Variants in CERS6 observed in about 807,000 individuals in gnomAD.
CERS6 encodes ceramide synthase 6, also known as LAG1 homolog, ceramide synthase 6.
Under a neutral mutation model 56.8 loss-of-function variants are expected in CERS6, and 26 were observed. That is an observed-to-expected ratio of 0.46 (90% confidence interval 0.34 to 0.63). The LOEUF (loss-of-function observed/expected upper bound fraction) is 0.63. Among genes scored for constraint, CERS6 ranks in the 30% least tolerant of loss-of-function variants. The pLI is 0.01. For missense variants in CERS6, 415 were observed against 467.5 expected, an observed-to-expected ratio of 0.89 and a Z score of 1.04; for synonymous variants, 164 against 173.3, an observed-to-expected ratio of 0.95 and a Z score of 0.42.
intron 4 of CERS6, among the ~76,000 whole-genome samples, chr2:168,631,555 ATATT>A (rs1684724702): frequency 8.4e-6 from 1 of 118,802 alleles, no homozygotes; most frequent in African/African-American, 3.3e-5. Context: ...TATATTTTTA[ATATT>A]TATATATTAA....
intron 3 of CERS6, among the ~76,000 whole-genome samples, chr2:168,628,980 A>G (rs1415481320): frequency 6.6e-6 from 1 of 152,260 alleles, no homozygotes; most frequent in South Asian, 2.1e-4. Context: ...ATTTAAAACA[A>G]TAACATATGA....
chr2:168,631,540 T>TATAATAC (rs1684721135), intron 4 of CERS6, among the ~76,000 whole-genome samples: 2 of 118,858 alleles, frequency 1.7e-5, no homozygotes, highest in South Asian at 4.5e-4. Context: ...ACATATTAAA[T>TATAATAC]ATATTATATT....
At chr2:168,596,714 C>T (rs557247440) in intron 3 of CERS6, among the ~76,000 whole-genome samples, 11 of 152,104 alleles carry the variant, frequency 7.2e-5, no homozygotes, top group East Asian at 1.9e-4. Flanking sequence ...CCACCATACC[C>T]GGCAAATTTG....
At chr2:168,717,441 C>T (rs1025241819) in intron 7 of CERS6, among the ~76,000 whole-genome samples, 8 of 152,074 alleles carry the variant, frequency 5.3e-5, no homozygotes, top group African/African-American at 1.9e-4. Flanking sequence ...GTTTGTGGCC[C>T]CGGTATTTGA....
chr2:168,520,644 CTG>C (rs1694962481), intron 1 of CERS6, among the ~76,000 whole-genome samples: 1 of 84,400 alleles, frequency 1.2e-5, no homozygotes, highest in Admixed American at 2.0e-4. Flanking sequence ...CAGTTTCACT[CTG>C]TTGCCTAGGC....
intron 3 of CERS6, among the ~76,000 whole-genome samples, chr2:168,628,261 T>C (rs1684635355): frequency 6.6e-6 from 1 of 152,192 alleles, no homozygotes; most frequent in African/African-American, 2.4e-5. Context: ...AATTTAGAGA[T>C]ATTCATCTAG....
Position 168,462,676 on chromosome 2 carries a change from A to G in CERS6, c.170+6058A>G, listed in dbSNP as rs543261637. Among the ~76,000 whole-genome samples the G allele has an allele frequency of 6.6e-5, 10 of 152,276 alleles. No homozygotes were observed. In the South Asian group the frequency reaches 2.1e-3, roughly 32 times the overall value. On this transcript the variant is annotated intron_variant, in intron 1 of 9. Transcript: ENST00000305747. ...CCTCATCCTCCCAGTAGCTAGGACT[A>G]CAGGTGGGTGCCACCATGCCTGGCT...
Position 168,717,979 on chromosome 2 carries a change from G to A in CERS6, c.845+1G>A. On this transcript the variant is annotated splice_donor_variant, in intron 8 of 9. Coordinates refer to ENST00000305747, the MANE Select transcript of CERS6 (RefSeq NM_203463.3). LOFTEE classifies it high-confidence loss of function. ...CACGACTGGGTATATTTCCTCTCTG[G>A]TGAGTATGCCAGTCTCCTTCCTGAT... is the stretch of plus-strand genomic sequence containing the variant. 1 of 1,601,716 alleles carries A rather than the reference G, an allele frequency of 6.2e-7. No homozygotes were observed. The highest frequency in any genetic ancestry group is 8.5e-7 in the Non-Finnish European group (1 of 1,169,748).
chr2:168,490,163 A>T (rs772409265), intron 1 of CERS6, among the ~76,000 whole-genome samples: 2 of 152,100 alleles, frequency 1.3e-5, no homozygotes, highest in Admixed American at 6.6e-5. Flanking sequence ...AGCTGTTGCT[A>T]TACTGTTCTA....
At position 168,525,574 on chromosome 2, in the gene CERS6, C is replaced by T. The variant is rs925570905; in HGVS notation, c.171-22022C>T. On this transcript the variant is annotated intron_variant, in intron 1 of 9. Coordinates refer to ENST00000305747, the MANE Select transcript of CERS6 (RefSeq NM_203463.3). The stretch of plus-strand genomic sequence containing the variant: ...GTAAATAATCCCTTGTCAGTGATGA[C>T]GAGGCTTGAGGAAATTTAAACATTC... Among the ~76,000 whole-genome samples the T allele has an allele frequency of 5.3e-5, 8 of 152,116 alleles. No homozygotes were observed. In the South Asian group the frequency reaches 8.3e-4, roughly 16 times the overall value.
intron 4 of CERS6, among the ~76,000 whole-genome samples, chr2:168,684,640 A>G (rs1686301095): frequency 6.6e-6 from 1 of 152,238 alleles, no homozygotes; most frequent in Admixed American, 6.5e-5. Flanking sequence ...AAGAGAAATA[A>G]GCAAAGATGT....
At chr2:168,706,464 A>G (rs1483883777) in intron 6 of CERS6, among the ~76,000 whole-genome samples, 1 of 152,174 alleles carries the variant, frequency 6.6e-6, no homozygotes, top group Non-Finnish European at 1.5e-5. Flanking sequence ...TCATTTCTAT[A>G]TGTTTCTAGA....
chr2:168,741,650 G>A (rs1299858352), intron 8 of CERS6, among the ~76,000 whole-genome samples: 1 of 152,200 alleles, frequency 6.6e-6, no homozygotes, highest in East Asian at 1.9e-4. Context: ...CGTTGACTGT[G>A]TGATGAAGCA....
At chr2:168,594,611 T>C (rs924268910) in intron 3 of CERS6, among the ~76,000 whole-genome samples, 3 of 152,074 alleles carry the variant, frequency 2.0e-5, no homozygotes, top group African/African-American at 7.2e-5. Flanking sequence ...TTAAAAAATA[T>C]TTACTACATG....
At chr2:168,710,096 G>C (rs1430536169) in intron 6 of CERS6, among the ~76,000 whole-genome samples, 1 of 152,126 alleles carries the variant, frequency 6.6e-6, no homozygotes, top group Non-Finnish European at 1.5e-5. Flanking sequence ...ATGTTTTGTA[G>C]GACCAGGTGA....
chr2:168,631,402 A>AT (rs1213207520), intron 4 of CERS6, among the ~76,000 whole-genome samples: 5 of 134,790 alleles, frequency 3.7e-5, no homozygotes, highest in South Asian at 4.3e-4. Context: ...TATATAATAT[A>AT]TATTATATAA....
At chr2:168,505,395 AAAAAAAG>A (rs1694658551) in intron 1 of CERS6, among the ~76,000 whole-genome samples, 1 of 150,504 alleles carries the variant, frequency 6.6e-6, no homozygotes, top group Non-Finnish European at 1.5e-5. Context: ...AAAAAAAAAA[AAAAAAAG>A]AAAAAAAAAG....
At chr2:168,575,465 C>G (rs957637485) in intron 3 of CERS6, among the ~76,000 whole-genome samples, 9 of 151,896 alleles carry the variant, frequency 5.9e-5, no homozygotes, top group African/African-American at 2.2e-4. Flanking sequence ...TATCAGCTTT[C>G]GTGAGAACTC....
At chr2:168,640,619 G>A (rs4668082) in intron 4 of CERS6, among the ~76,000 whole-genome samples, 7 of 152,162 alleles carry the variant, frequency 4.6e-5, no homozygotes, top group African/African-American at 1.7e-4. Context: ...ATTAAGCATC[G>A]ATGCACAAGA....
Sources: gnomAD v4.1 joint callset for allele counts (sites outside exome capture counted in the v4.1 genomes callset) on GRCh38, gnomAD v4.1.1 for gene constraint, MANE v1.5 for transcripts, NCBI Gene and HGNC (gene_info 2026-07-23, HGNC 2026-07-21) for gene names.